The following GSTCD variants were observed in gnomAD, a reference collection of about 807,000 sequenced individuals.
GSTCD encodes glutathione S-transferase C-terminal domain-containing protein.
GSTCD carries 44 observed loss-of-function variants against 68.3 expected under a neutral mutation model. That is an observed-to-expected ratio of 0.64 (90% CI 0.51 to 0.83). The LOEUF (loss-of-function observed/expected upper bound fraction) is 0.83, where lower values mean the gene tolerates loss of function less well. GSTCD is among the 40% of genes least tolerant of loss of function. The pLI, the probability that GSTCD is intolerant of heterozygous loss-of-function variation, is 0.00. For missense variants in GSTCD, 739 were observed against 735.9 expected (o/e 1.00, Z -0.05); for synonymous variants, 273 against 255.2 (o/e 1.07, Z -0.67).
chr4:105,736,858 T>A (rs999032640), intron 5 of GSTCD, among the ~76,000 whole-genome samples: 2 of 152,218 alleles, frequency 1.3e-5, no homozygotes, highest in Admixed American at 1.3e-4. Context: ...CCTGGTTTAT[T>A]TTATTTAACA....
At chr4:105,713,059 T>TA (rs984868284) in intron 1 of GSTCD, among the ~76,000 whole-genome samples, 2 of 152,130 alleles carry the variant, frequency 1.3e-5, no homozygotes, top group African/African-American at 4.8e-5. Context: ...AACCAGCATT[T>TA]AAAAAAACAA....
chr4:105,829,204 A>C (rs188093490), intron 8 of GSTCD, among the ~76,000 whole-genome samples: 159 of 151,684 alleles, frequency 1.0e-3, no homozygotes, highest in Non-Finnish European at 1.6e-3. Flanking sequence ...AAAAAAAAAA[A>C]AAAGAAAGGC....
Position 105,726,847 on chromosome 4 carries a change from A to G in GSTCD, c.1146+17A>G. The G allele has an allele frequency of 6.4e-7, 1 of 1,565,554 alleles. No homozygotes were observed. Among genetic ancestry groups the G allele is most frequent in the South Asian group, 1.2e-5 (1 of 83,326 alleles). On this transcript the variant is annotated intron_variant, in intron 4 of 11. Transcript: ENST00000515279. Reference sequence around the variant, plus strand: ...AAGTTAATGGTACTTAATTATTAACATTTTCTTTGAAAAATTCTATGTGAT... The same window carrying G: ...AAGTTAATGGTACTTAATTATTAACGTTTTCTTTGAAAAATTCTATGTGAT...
At chr4:105,787,439 T>C (rs1056442061) in intron 5 of GSTCD, among the ~76,000 whole-genome samples, 3 of 152,028 alleles carry the variant, frequency 2.0e-5, no homozygotes, top group African/African-American at 7.3e-5. Context: ...CTCTAGAAAT[T>C]ATATATCAAT....
chr4:105,810,412 T>C (rs1722706461), intron 5 of GSTCD, among the ~76,000 whole-genome samples: 1 of 152,108 alleles, frequency 6.6e-6, no homozygotes, highest in Admixed American at 6.6e-5. Context: ...CAAATGTTAC[T>C]TATAAATGCC....
chr4:105,785,721 A>T (rs1008436943), intron 5 of GSTCD, among the ~76,000 whole-genome samples: 2 of 152,164 alleles, frequency 1.3e-5, no homozygotes, highest in Admixed American at 6.5e-5. Flanking sequence ...TAAAATCAGT[A>T]ATGATGAGAA....
intron 4 of GSTCD, 38 bp downstream of exon 4, chr4:105,726,868 G>A (rs1477021150): frequency 6.6e-7 from 1 of 1,520,142 alleles, no homozygotes. Flanking sequence ...AAAATTCTAT[G>A]TGATAATATT....
Position 105,726,565 on chromosome 4 carries a change from A to G in GSTCD, c.895-14A>G, listed in dbSNP as rs1578412540. 2.0e-6 allele frequency: 3 copies of G among 1,511,588 alleles called. No homozygotes were observed. The South Asian group carries it at 3.7e-5, about 19-fold the overall frequency. 93.6% of individuals were successfully genotyped at this position (1,511,588 alleles called of 1,614,324 possible). Reference sequence around the variant, plus strand: ...AATATATATAATAATGTGTTTTATTATTTTCCTACCTAGGTAATTATCAGC... The same window carrying G: ...AATATATATAATAATGTGTTTTATTGTTTTCCTACCTAGGTAATTATCAGC... On this transcript the variant is annotated splice_polypyrimidine_tract_variant and intron_variant, in intron 3 of 11. Coordinates refer to ENST00000515279, the MANE Select transcript of GSTCD (RefSeq NM_001370181.1).
intron 5 of GSTCD, among the ~76,000 whole-genome samples, chr4:105,818,632 G>T (rs1723125971): frequency 6.6e-6 from 1 of 151,698 alleles, no homozygotes; most frequent in Non-Finnish European, 1.5e-5. Context: ...TACTTTAATG[G>T]GTACATTTGG....
intron 5 of GSTCD, among the ~76,000 whole-genome samples, chr4:105,730,974 C>T (rs571732202): frequency 1.3e-5 from 2 of 152,122 alleles, no homozygotes; most frequent in Non-Finnish European, 2.9e-5. Context: ...TGCCAGTTTT[C>T]CCAGCATCAT....
chr4:105,830,119 T>G (rs147173905), intron 8 of GSTCD, among the ~76,000 whole-genome samples: 9 of 151,878 alleles, frequency 5.9e-5, no homozygotes, highest in Non-Finnish European at 8.8e-5. Flanking sequence ...TACAGGAAAA[T>G]GTGTTAATAA....
At chr4:105,768,108 T>C (rs1734693350) in intron 5 of GSTCD, among the ~76,000 whole-genome samples, 1 of 151,636 alleles carries the variant, frequency 6.6e-6, no homozygotes, top group African/African-American at 2.4e-5. Flanking sequence ...CGATCTCGGC[T>C]CACTGCAAGC....
intron 5 of GSTCD, among the ~76,000 whole-genome samples, chr4:105,745,342 G>C (rs1454859736): frequency 1.3e-5 from 2 of 152,200 alleles, no homozygotes; most frequent in Non-Finnish European, 2.9e-5. Context: ...AAGAATGAAA[G>C]GTTTTAGTTA....
At chr4:105,763,767 T>C (rs1734502532) in intron 5 of GSTCD, among the ~76,000 whole-genome samples, 1 of 152,196 alleles carries the variant, frequency 6.6e-6, no homozygotes, top group Non-Finnish European at 1.5e-5. Context: ...AAATTTGTAC[T>C]CTTTTGAGTT....
chr4:105,751,018 G>A (rs891972824), intron 5 of GSTCD, among the ~76,000 whole-genome samples: 23 of 152,200 alleles, frequency 1.5e-4, no homozygotes, highest in African/African-American at 5.5e-4. Context: ...TGTGGAGAGG[G>A]GTTTGTTACA....
chr4:105,846,809 C>T lies in GSTCD; in HGVS notation c.*1232C>T, dbSNP rs1724568783. 6.6e-6 allele frequency: 1 copy of T among 151,954 alleles called. No homozygotes were observed. Among genetic ancestry groups the T allele is most frequent in the South Asian group, 2.1e-4 (1 of 4,810 alleles). The allele number at this position is 151,954 out of a possible 1,614,324, so 9.4% of individuals were successfully genotyped here. On this transcript the variant is annotated 3_prime_UTR_variant, in exon 12 of 12. Transcript: ENST00000515279. ...TAGCTAGGATTATAGGCACCTGCCA[C>T]CATGCCCGGCTAATTTTGTTTGTAA...
intron 3 of GSTCD, among the ~76,000 whole-genome samples, chr4:105,724,043 T>A (rs1431986585): frequency 6.6e-6 from 1 of 151,856 alleles, no homozygotes; most frequent in Non-Finnish European, 1.5e-5. Flanking sequence ...GTATAATATA[T>A]ATGTATGAAT....
chr4:105,783,314 G>T (rs553511885), intron 5 of GSTCD, among the ~76,000 whole-genome samples: 11 of 152,220 alleles, frequency 7.2e-5, no homozygotes, highest in African/African-American at 2.6e-4. Flanking sequence ...CAAAAAAGTA[G>T]CTTTCTGTTG....
chr4:105,719,953 A>C (rs1732809370), intron 3 of GSTCD, among the ~76,000 whole-genome samples: 1 of 152,154 alleles, frequency 6.6e-6, no homozygotes, highest in Non-Finnish European at 1.5e-5. Flanking sequence ...AAAAAAAAAA[A>C]AACTAAAAAT....
Sources: allele counts gnomAD v4.1 joint callset (sites outside exome capture counted in the v4.1 genomes callset), GRCh38; gene constraint gnomAD v4.1.1; transcripts MANE v1.5; gene names NCBI Gene and HGNC (gene_info 2026-07-23, HGNC 2026-07-21).